Variants in SYNE1 observed in about 807,000 individuals in gnomAD.
SYNE1 encodes the protein nesprin-1.
A neutral mutation model predicts 1,111.0 loss-of-function variants in SYNE1; 616 were observed. The observed-to-expected ratio is 0.55, with a 90% CI of 0.52 to 0.59. The LOEUF (loss-of-function observed/expected upper bound fraction) is 0.59. Among genes scored for constraint, SYNE1 ranks in the 20% least tolerant of loss-of-function variants. The pLI is 0.00. For missense variants in SYNE1, 10,006 were observed against 10,417.0 expected (o/e 0.96, Z 1.72); for synonymous variants, 3,855 against 3,825.8 (o/e 1.01, Z -0.28).
rs375977864 is a variant in SYNE1, at chr6:152,330,194, C to G, written c.14491G>C (p.Val4831Leu). The stretch of plus-strand genomic sequence containing the variant: ...AGATGTATGGTTACTCGTTTCAGTA[C>G]AATCCCTGAGTCCTGGAGACTTCCT... ...LAGSLQDSGI[V>L]LKRVTIHLED... The change falls in exon 78 of 146, where the codon GTA becomes CTA. Residue 4831 changes from valine to leucine, a missense_variant. This residue lies in a region of SYNE1 where 4,955 missense variants were observed against 5,017.2 expected (regional missense o/e 0.99). Transcript: ENST00000367255. 1.4e-5 allele frequency: 22 copies of G among 1,614,060 alleles called. No individual in the cohort carries two copies. In the African/African-American group the frequency reaches 2.7e-4, roughly 20 times the overall value.
chr6:152,278,323 G>A (rs1228832284), intron 97 of SYNE1, 43 bp from the exon 98 acceptor site: 1 of 1,605,120 alleles, frequency 6.2e-7, no homozygotes, highest in Non-Finnish European at 8.5e-7. Context: ...CATCTCCCCA[G>A]CCTCTGCAAA....
chr6:152,592,967 G>A lies in SYNE1; in HGVS notation c.67+35298C>T, dbSNP rs2099571223. Among the ~76,000 whole-genome samples the A allele has an allele frequency of 2.0e-5, 3 of 152,174 alleles. No homozygotes were observed. The South Asian group carries it at 6.2e-4, about 32-fold the overall frequency. On this transcript the variant is annotated intron_variant, in intron 3 of 145. Coordinates refer to ENST00000367255, the MANE Select transcript of SYNE1 (RefSeq NM_182961.4). Reference sequence around the variant, plus strand: ...GGGGCAGTTCCCACCTGAGCTCCTGGGGTGGGCTCTGACCACCCGCAACCC... The same window carrying A: ...GGGGCAGTTCCCACCTGAGCTCCTGAGGTGGGCTCTGACCACCCGCAACCC...
intron 2 of SYNE1, among the ~76,000 whole-genome samples, chr6:152,635,052 A>T (rs569636949): frequency 1.3e-5 from 2 of 152,210 alleles, no homozygotes; most frequent in Non-Finnish European, 2.9e-5. Flanking sequence ...TTTCATTTCC[A>T]AGATGCTGTG....
At position 152,232,049 on chromosome 6, in the gene SYNE1, T is replaced by A. The variant is rs2082894915; in HGVS notation, c.20862+67A>T. The A allele has an allele frequency of 1.0e-5, 13 of 1,257,514 alleles. 1 individual carries two copies. In the South Asian group the frequency reaches 1.5e-4, roughly 14 times the overall value. 77.9% of individuals were successfully genotyped at this position (1,257,514 alleles called of 1,614,324 possible). On this transcript the variant is annotated intron_variant, in intron 113 of 145. Transcript: ENST00000367255. The stretch of plus-strand genomic sequence containing the variant: ...CAAGACTTGATTACCATAATTTGAG[T>A]TTTTTAGTTCTTTCAAATAAAATGG...
intron 87 of SYNE1, 119 bp downstream of exon 87, chr6:152,316,729 TC>T: frequency 8.6e-7 from 1 of 1,158,902 alleles, no homozygotes; most frequent in Non-Finnish European, 1.3e-6. Flanking sequence ...ACCTTAGCAT[TC>T]TTTTTATCTG....
rs369051460 is a variant in SYNE1 at position 152,128,055 on chromosome 6, A to G, written c.26153+2665T>C. On this transcript the variant is annotated intron_variant, in intron 145 of 145. Transcript: ENST00000367255. ...CATCAATTTGCTACATCCGGACTAC[A>G]GTGCAATTATTCCTTTGCCTTGCTG... The G allele has an allele frequency of 2.4e-4, 37 of 152,334 alleles. No homozygotes were observed. The East Asian group carries it at 6.0e-3, about 25-fold the overall frequency. 9.4% of individuals were successfully genotyped at this position (152,334 alleles called of 1,614,324 possible). A position where few individuals can be genotyped will look rare whatever the true frequency, so the allele number is the denominator to read the frequency against.
chr6:152,464,659 C>T (rs2098753618), intron 18 of SYNE1: 1 of 154,006 alleles, frequency 6.5e-6, no homozygotes, highest in South Asian at 2.0e-4. Context: ...ATGCCAGGCT[C>T]CCATTAGGAA....
rs199680443 is a variant in SYNE1, at chr6:152,492,494, G to GA, written c.940-3992dup. ...CCCCAGGATCTTGCTTCAAGTGCTG[G>GA]AAATCTGGCCACTGGGCCAAGGAAT... On this transcript the variant is annotated intron_variant, in intron 11 of 145. Transcript: ENST00000367255. 4.2e-3 allele frequency among the ~76,000 whole-genome samples: 634 copies of GA among 152,290 alleles called. 4 individuals carry two copies. Among genetic ancestry groups the GA allele is most frequent in the African/African-American group, 0.014 (602 of 41,554 alleles).
At chr6:152,470,607 C>T (rs1441771593) in intron 16 of SYNE1, among the ~76,000 whole-genome samples, 1 of 151,916 alleles carries the variant, frequency 6.6e-6, no homozygotes, top group African/African-American at 2.4e-5. Flanking sequence ...GTTGTTCACC[C>T]GTCACAGAAA....
At chr6:152,180,067 T>G in intron 129 of SYNE1, 69 bp downstream of exon 129, 2 of 1,546,102 alleles carry the variant, frequency 1.3e-6, no homozygotes, top group Non-Finnish European at 1.8e-6. Flanking sequence ...AAAGCCACCT[T>G]CTGTACCTGT....
At chr6:152,275,019 A>C (rs559466425) in intron 98 of SYNE1, among the ~76,000 whole-genome samples, 1 of 152,122 alleles carries the variant, frequency 6.6e-6, no homozygotes, top group Admixed American at 6.5e-5. Flanking sequence ...AGCTTCTCCC[A>C]TCCCAGCTTC....
intron 5 of SYNE1, among the ~76,000 whole-genome samples, chr6:152,522,431 A>C (rs1020952524): frequency 6.6e-6 from 1 of 152,054 alleles, no homozygotes; most frequent in Non-Finnish European, 1.5e-5. Context: ...GGTTGTATAT[A>C]TATCACGTTT....
chr6:152,636,060 T>C (rs1048294106), intron 2 of SYNE1, among the ~76,000 whole-genome samples: 2 of 152,214 alleles, frequency 1.3e-5, no homozygotes, highest in African/African-American at 4.8e-5. Context: ...GATCTCTCTA[T>C]GTGAAACGTA....
intron 100 of SYNE1, among the ~76,000 whole-genome samples, chr6:152,263,069 G>C (rs2092253307): frequency 6.6e-6 from 1 of 151,662 alleles, no homozygotes; most frequent in African/African-American, 2.4e-5. Flanking sequence ...AGATAGTACG[G>C]GACCTGGGAA....
intron 66 of SYNE1, among the ~76,000 whole-genome samples, chr6:152,357,033 C>T (rs1475367169): frequency 2.0e-5 from 3 of 152,180 alleles, no homozygotes; most frequent in African/African-American, 7.2e-5. Flanking sequence ...ATTACAACAG[C>T]TAAACCTGTG....
chr6:152,350,147 C>A lies in SYNE1; in HGVS notation c.11901+21G>T, dbSNP rs763308565. 4.3e-6 allele frequency: 7 copies of A among 1,612,400 alleles called. No individual in the cohort carries two copies. The African/African-American group carries it at 8.0e-5, about 18-fold the overall frequency. On this transcript the variant is annotated intron_variant, in intron 72 of 145. Transcript: ENST00000367255. ...ACTGGTGAAGCCATCCCAAAGGCAGCCCTTTAAAGGTCAGGGGTACCTTGT... is the reference window on the plus strand; with the variant it reads ...ACTGGTGAAGCCATCCCAAAGGCAGACCTTTAAAGGTCAGGGGTACCTTGT...
At chr6:152,561,320 T>C (rs2099394549) in intron 3 of SYNE1, among the ~76,000 whole-genome samples, 1 of 152,024 alleles carries the variant, frequency 6.6e-6, no homozygotes, top group Admixed American at 6.6e-5. Flanking sequence ...TTAAAAATAT[T>C]CTATTCACAA....
intron 11 of SYNE1, among the ~76,000 whole-genome samples, chr6:152,498,440 A>T (rs1001996482): frequency 6.6e-6 from 1 of 152,210 alleles, no homozygotes; most frequent in Non-Finnish European, 1.5e-5. Context: ...CACCATACGT[A>T]GTTACTGTAA....
At chr6:152,202,173 C>A (rs544901264) in intron 126 of SYNE1, among the ~76,000 whole-genome samples, 66 of 151,840 alleles carry the variant, frequency 4.3e-4, no homozygotes, top group Non-Finnish European at 8.5e-4. Context: ...ATGGTGAAAC[C>A]TTGTCTCTAC....
Sources: allele counts gnomAD v4.1 joint callset (sites outside exome capture counted in the v4.1 genomes callset), GRCh38; gene constraint gnomAD v4.1.1; regional missense constraint gnomAD v4.1.1; transcripts MANE v1.5; gene names NCBI Gene and HGNC (gene_info 2026-07-23, HGNC 2026-07-21).